YES1: variants seen among roughly 807,000 people sequenced by gnomAD.
The protein encoded by YES1 is YES proto-oncogene 1, Src family tyrosine kinase, also known as tyrosine-protein kinase Yes.
YES1 carries 39 observed loss-of-function variants against 70.4 expected under a neutral mutation model. The observed-to-expected ratio is 0.55, with a 90% CI of 0.43 to 0.72. The LOEUF (loss-of-function observed/expected upper bound fraction) is 0.72, where lower values mean the gene tolerates loss of function less well. Among genes scored for constraint, YES1 ranks in the 30% least tolerant of loss-of-function variants. The probability of loss-of-function intolerance (pLI) is 0.00; values close to 1 mark genes in which losing one functional copy is unlikely to be tolerated. For synonymous variants in YES1, 198 were observed against 218.6 expected (o/e 0.91, Z 0.83); for missense variants, 495 against 644.8 (o/e 0.77, Z 2.52).
rs537798067 is a variant in YES1, at chr18:809,930, C to T, written c.-9+2184G>A. 2.0e-5 allele frequency among the ~76,000 whole-genome samples: 3 copies of T among 152,216 alleles called. No individual in the cohort carries two copies. The South Asian group carries it at 6.2e-4, about 32-fold the overall frequency. ...GCCAGGTCCCTATCACAATCTCCTC[C>T]CTCTTCCCATATATTTCCCTTCATA... On this transcript the variant is annotated intron_variant, in intron 1 of 11. Coordinates refer to ENST00000314574, the MANE Select transcript of YES1 (RefSeq NM_005433.4).
intron 3 of YES1, among the ~76,000 whole-genome samples, chr18:751,217 G>A (rs779568092): frequency 3.9e-5 from 6 of 152,134 alleles, no homozygotes; most frequent in Admixed American, 1.3e-4. Context: ...TTTCTACAAC[G>A]AGCATCAAAT....
At chr18:770,113 C>A (rs1266869618) in intron 1 of YES1, among the ~76,000 whole-genome samples, 1 of 152,024 alleles carries the variant, frequency 6.6e-6, no homozygotes, top group Non-Finnish European at 1.5e-5. Context: ...GCACGCGCCA[C>A]CACACCCAGT....
Position 751,787 on chromosome 18 carries a change from C to A in YES1, c.289G>T (p.Val97Leu), listed in dbSNP as rs371390237. The change falls in exon 3 of 12, where the codon GTG becomes TTG. Residue 97 changes from valine to leucine, a missense_variant. Transcript: ENST00000314574. The stretch of plus-strand genomic sequence containing the variant: ...CTAGCTTCATAATCATATAAGGCCA[C>A]AAATATAGTAACACCACCTATCAGA... ...AGLTGGVTIF[V>L]ALYDYEARTT... is the part of the protein sequence containing the mutation. 3.8e-6 allele frequency: 6 copies of A among 1,593,870 alleles called. No homozygotes were observed. Among genetic ancestry groups the A allele is most frequent in the Admixed American group, 1.7e-5 (1 of 59,182 alleles).
At chr18:781,001 G>A (rs563823851) in intron 1 of YES1, among the ~76,000 whole-genome samples, 1 of 152,142 alleles carries the variant, frequency 6.6e-6, no homozygotes. Flanking sequence ...AGGGGCGGTG[G>A]CTCACGCCTT....
rs375193463 is a variant in YES1, at chr18:751,696, G to C, written c.371+9C>G. 6.7e-7 allele frequency: 1 copy of C among 1,493,726 alleles called. No homozygotes were observed. The highest frequency in any genetic ancestry group is 9.3e-7 in the Non-Finnish European group (1 of 1,075,918). 92.5% of individuals were successfully genotyped at this position (1,493,726 alleles called of 1,614,324 possible). On this transcript the variant is annotated intron_variant, in intron 3 of 11. Coordinates refer to ENST00000314574, the MANE Select transcript of YES1 (RefSeq NM_005433.4). The stretch of plus-strand genomic sequence containing the variant: ...AGTATTTCTCTCACAAAATATTCAT[G>C]ACACTTACGTATTGTTAATTATTTG...
intron 11 of YES1, among the ~76,000 whole-genome samples, chr18:728,519 G>C (rs2080048527): frequency 6.6e-6 from 1 of 152,072 alleles, no homozygotes; most frequent in African/African-American, 2.4e-5. Context: ...TTTGGATTTT[G>C]GAGCATTTCG....
At chr18:756,868 T>C in intron 1 of YES1, 33 bp from the exon 2 acceptor site, 1 of 1,581,972 alleles carries the variant, frequency 6.3e-7, no homozygotes. Flanking sequence ...TGAGAGTCAG[T>C]TAACACACAG....
intron 10 of YES1, among the ~76,000 whole-genome samples, chr18:735,138 C>G (rs1450373813): frequency 1.8e-5 from 2 of 110,510 alleles, no homozygotes; most frequent in Non-Finnish European, 3.5e-5. Context: ...GCCTGGGCAA[C>G]AGATTGAGAC....
At chr18:796,850 G>T (rs1157729374) in intron 1 of YES1, among the ~76,000 whole-genome samples, 9 of 152,064 alleles carry the variant, frequency 5.9e-5, no homozygotes, top group Non-Finnish European at 1.2e-4. Flanking sequence ...ACACTAAAAG[G>T]TGGCATTTTG....
chr18:807,141 C>G (rs1288669904), intron 1 of YES1, among the ~76,000 whole-genome samples: 1 of 152,016 alleles, frequency 6.6e-6, no homozygotes, highest in Non-Finnish European at 1.5e-5. Context: ...ATGCTCCAGT[C>G]TGGCCAACAT....
At chr18:793,016 G>A (rs1480421490) in intron 1 of YES1, among the ~76,000 whole-genome samples, 2 of 150,856 alleles carry the variant, frequency 1.3e-5, no homozygotes, top group African/African-American at 4.9e-5. Context: ...AGAGTCTTAA[G>A]GTTCATTATA....
At chr18:767,506 A>T (rs371244139) in intron 1 of YES1, among the ~76,000 whole-genome samples, 3 of 152,096 alleles carry the variant, frequency 2.0e-5, no homozygotes, top group South Asian at 4.1e-4. Flanking sequence ...ATTTGTTGAA[A>T]AACCTATCCA....
intron 1 of YES1, among the ~76,000 whole-genome samples, chr18:788,817 T>C (rs1050403221): frequency 3.3e-5 from 5 of 152,070 alleles, no homozygotes; most frequent in African/African-American, 7.2e-5. Context: ...TGCCAGCTAG[T>C]TGGGAGGCTG....
At chr18:767,473 C>T (rs148283132) in intron 1 of YES1, among the ~76,000 whole-genome samples, 189 of 152,104 alleles carry the variant, frequency 1.2e-3, no homozygotes, top group African/African-American at 4.3e-3. Flanking sequence ...TTTTAAAACT[C>T]GATATCTAGT....
chr18:731,751 AGG>A (rs2080089726), intron 11 of YES1, among the ~76,000 whole-genome samples: 1 of 151,144 alleles, frequency 6.6e-6, no homozygotes, highest in African/African-American at 2.4e-5. Flanking sequence ...GCAGATCACA[AGG>A]TCAGGAGATC....
At chr18:811,653 C>T (rs1907386665) in intron 1 of YES1, among the ~76,000 whole-genome samples, 1 of 152,192 alleles carries the variant, frequency 6.6e-6, no homozygotes, top group South Asian at 2.1e-4. Flanking sequence ...TCCACTCGCC[C>T]CACACACCCG....
At position 756,749 on chromosome 18, in the gene YES1, T is replaced by C. The variant is rs776618133; in HGVS notation, c.79A>G (p.Thr27Ala). The C allele has an allele frequency of 6.2e-7, 1 of 1,614,236 alleles. No individual in the cohort carries two copies. The highest frequency in any genetic ancestry group is 8.5e-7 in the Non-Finnish European group (1 of 1,180,042). The stretch of plus-strand genomic sequence containing the variant: ...TCTGCTCCATAATGGCTCACACTTG[T>C]ACTGACAGGCTCTGGAGTATTTTCA... ...RPENTPEPVS[T>A]SVSHYGAEPT... is the part of the protein sequence containing the mutation. Residue 27 changes from threonine to alanine, a missense_variant, in exon 2 of 12, where the codon ACA becomes GCA. Thr to Ala is a moderately conservative substitution (Grantham distance 58). Around this residue, in one of 2 missense-constraint regions of YES1, gnomAD observed 110 missense variants for 104.0 expected, o/e 1.06. Coordinates refer to ENST00000314574, the MANE Select transcript of YES1 (RefSeq NM_005433.4).
At chr18:743,480 A>C in intron 6 of YES1, 65 bp from the exon 7 acceptor site, 1 of 1,341,284 alleles carries the variant, frequency 7.5e-7, no homozygotes, top group Non-Finnish European at 1.0e-6. Flanking sequence ...ATAGTGTATC[A>C]ATGTTTTAAG....
intron 1 of YES1, among the ~76,000 whole-genome samples, chr18:787,637 G>A (rs1415355923): frequency 6.6e-6 from 1 of 152,052 alleles, no homozygotes; most frequent in African/African-American, 2.4e-5. Flanking sequence ...TTTAACCTGG[G>A]ATGCGGAGGT....
Sources: allele counts gnomAD v4.1 joint callset (sites outside exome capture counted in the v4.1 genomes callset), GRCh38; gene constraint gnomAD v4.1.1; regional missense constraint gnomAD v4.1.1; transcripts MANE v1.5; gene names NCBI Gene and HGNC (gene_info 2026-07-23, HGNC 2026-07-21).